The following VPS41 variants were observed in gnomAD, a reference collection of about 807,000 sequenced individuals.
VPS41 encodes VPS41 subunit of HOPS complex, also known as vacuolar protein sorting-associated protein 41 homolog.
A neutral mutation model predicts 130.9 loss-of-function variants in VPS41; 85 were observed. The observed-to-expected ratio is 0.65, with a 90% confidence interval of 0.55 to 0.78. The LOEUF is 0.78. Ranked by LOEUF, VPS41 falls within the 30% of genes least tolerant of loss-of-function variation. VPS41 has a pLI of 0.00. For synonymous variants in VPS41, 335 were observed against 332.9 expected, an observed-to-expected ratio of 1.01 and a Z score of -0.07; for missense variants, 874 against 1,018.7, an observed-to-expected ratio of 0.86 and a Z score of 1.93.
intron 7 of VPS41, among the ~76,000 whole-genome samples, chr7:38,810,453 T>C (rs1784922296): frequency 6.6e-6 from 1 of 152,222 alleles, no homozygotes; most frequent in Admixed American, 6.5e-5. Flanking sequence ...GAATCAAAAA[T>C]TGTAATAAGA....
At chr7:38,824,925 T>C (rs2116141044) in intron 5 of VPS41, among the ~76,000 whole-genome samples, 1 of 152,334 alleles carries the variant, frequency 6.6e-6, no homozygotes, top group South Asian at 2.1e-4. Context: ...TGTGGATAAA[T>C]ACTGGGACTG....
At chr7:38,808,061 ATTTT>A (rs949139162) in intron 7 of VPS41, among the ~76,000 whole-genome samples, 1 of 152,132 alleles carries the variant, frequency 6.6e-6, no homozygotes, top group Non-Finnish European at 1.5e-5. Flanking sequence ...AAAAAAGTAT[ATTTT>A]TTAACAGGCA....
chr7:38,770,099 G>A (rs62444123), intron 14 of VPS41, among the ~76,000 whole-genome samples: 11 of 151,982 alleles, frequency 7.2e-5, no homozygotes, highest in Non-Finnish European at 1.2e-4. Context: ...GAGAAGTCCC[G>A]TCTCTACTAA....
intron 2 of VPS41, among the ~76,000 whole-genome samples, chr7:38,888,517 T>C (rs903748939): frequency 6.6e-6 from 1 of 152,162 alleles, no homozygotes; most frequent in Non-Finnish European, 1.5e-5. Flanking sequence ...AGCACCCAGA[T>C]TCATAAAGCA....
At chr7:38,813,590 A>T (rs927395624) in intron 7 of VPS41, among the ~76,000 whole-genome samples, 1 of 152,226 alleles carries the variant, frequency 6.6e-6, no homozygotes, top group Non-Finnish European at 1.5e-5. Flanking sequence ...CCAATTACTT[A>T]CACTGACATG....
intron 7 of VPS41, among the ~76,000 whole-genome samples, chr7:38,797,373 T>C (rs775216069): frequency 6.6e-6 from 1 of 152,112 alleles, no homozygotes; most frequent in Non-Finnish European, 1.5e-5. Context: ...AAAAAAACAA[T>C]TGGAATTAAG....
intron 4 of VPS41, among the ~76,000 whole-genome samples, chr7:38,844,334 T>G (rs755417476): frequency 6.6e-6 from 1 of 152,234 alleles, no homozygotes. Flanking sequence ...ATATACAGAC[T>G]GCATCATTTA....
intron 4 of VPS41, among the ~76,000 whole-genome samples, chr7:38,860,818 C>G (rs1304884818): frequency 6.6e-5 from 10 of 151,712 alleles, no homozygotes; most frequent in Non-Finnish European, 8.8e-5. Context: ...GGCAGACATA[C>G]GCTTGGCTTC....
intron 19 of VPS41, among the ~76,000 whole-genome samples, chr7:38,755,141 T>C (rs986109662): frequency 6.6e-6 from 1 of 152,222 alleles, no homozygotes; most frequent in East Asian, 1.9e-4. Flanking sequence ...CTGAAGCCTA[T>C]GTGTTTTGCA....
At chr7:38,756,774 T>C (rs1479894354) in intron 19 of VPS41, 64 bp downstream of exon 19, 5 of 1,207,876 alleles carry the variant, frequency 4.1e-6, no homozygotes, top group Middle Eastern at 2.9e-4. Flanking sequence ...TGGATAGATA[T>C]CTAAGTATTA....
Position 38,875,722 on chromosome 7 carries a change from T to A in VPS41, c.61-6469A>T, listed in dbSNP as rs115021262. Reference sequence around the variant, plus strand: ...AGTGACATGAAGATAATGGAATTCATCTACAATAAAACAACTGTGGTCAAA... The same window carrying A: ...AGTGACATGAAGATAATGGAATTCAACTACAATAAAACAACTGTGGTCAAA... On this transcript the variant is annotated intron_variant, in intron 2 of 28. Coordinates refer to ENST00000310301, the MANE Select transcript of VPS41 (RefSeq NM_014396.4). 4.4e-3 allele frequency among the ~76,000 whole-genome samples: 671 copies of A among 152,306 alleles called. 4 individuals carry two copies. Among genetic ancestry groups the A allele is most frequent in the African/African-American group, 0.015 (610 of 41,570 alleles).
chr7:38,731,219 C>T (rs145495986), intron 25 of VPS41, among the ~76,000 whole-genome samples: 2 of 152,254 alleles, frequency 1.3e-5, no homozygotes, highest in African/African-American at 4.8e-5. Flanking sequence ...TCTATAACAT[C>T]TGTAATAATG....
intron 19 of VPS41, among the ~76,000 whole-genome samples, chr7:38,755,294 A>C (rs1390304287): frequency 1.3e-5 from 2 of 152,138 alleles, no homozygotes; most frequent in Non-Finnish European, 2.9e-5. Context: ...GCATCTCTTT[A>C]CCAGTATATC....
intron 4 of VPS41, among the ~76,000 whole-genome samples, chr7:38,837,093 AG>A (rs1424571403): frequency 6.6e-6 from 1 of 152,232 alleles, no homozygotes; most frequent in African/African-American, 2.4e-5. Context: ...TTATGTAGTA[AG>A]GTATTTGGCT....
chr7:38,746,032 C>G lies in VPS41; in HGVS notation c.1927-419G>C, dbSNP rs75314640. The G allele has an allele frequency of 3.9e-3, 671 of 170,196 alleles. 4 individuals are homozygous for G. Among genetic ancestry groups the G allele is most frequent in the African/African-American group, 0.015 (609 of 41,632 alleles). 10.5% of individuals were successfully genotyped at this position (170,196 alleles called of 1,614,324 possible). A position where few individuals can be genotyped will look rare whatever the true frequency, so the allele number is the denominator to read the frequency against. On this transcript the variant is annotated intron_variant, in intron 22 of 28. Transcript: ENST00000310301. ...AATGTTGCTCATGGTTGAACTTTTC[C>G]TAGTATTGTGCATACCATAAGCTCA...
intron 2 of VPS41, among the ~76,000 whole-genome samples, chr7:38,889,060 C>T (rs1218288840): frequency 1.3e-5 from 2 of 149,218 alleles, no homozygotes; most frequent in Non-Finnish European, 3.0e-5. Context: ...ACCTATGTAA[C>T]AAAATTGCAT....
At chr7:38,750,735 G>C (rs896113750) in intron 22 of VPS41, among the ~76,000 whole-genome samples, 2 of 152,176 alleles carry the variant, frequency 1.3e-5, no homozygotes, top group African/African-American at 2.4e-5. Flanking sequence ...TGGGCATAAA[G>C]TGTGTGAGAG....
At chr7:38,883,788 C>T (rs959437471) in intron 2 of VPS41, among the ~76,000 whole-genome samples, 3 of 152,036 alleles carry the variant, frequency 2.0e-5, no homozygotes, top group Admixed American at 2.0e-4. Flanking sequence ...AAGAAAGGGG[C>T]GTAATAGAGA....
chr7:38,831,261 T>G (rs921937850), intron 4 of VPS41: 28 of 471,054 alleles, frequency 5.9e-5, no homozygotes, highest in Non-Finnish European at 1.1e-4. Flanking sequence ...CTGCCTCAAA[T>G]TATAATTTAG....
Sources: allele counts gnomAD v4.1 joint callset (sites outside exome capture counted in the v4.1 genomes callset), GRCh38; gene constraint gnomAD v4.1.1; transcripts MANE v1.5; gene names NCBI Gene and HGNC (gene_info 2026-07-23, HGNC 2026-07-21).